TMEM17: variants seen among roughly 807,000 people sequenced by gnomAD.
TMEM17 encodes transmembrane protein 17.
TMEM17 carries 15 observed loss-of-function variants against 19.1 expected under a neutral mutation model. That is an observed-to-expected ratio of 0.78 (90% CI 0.52 to 1.21). TMEM17 has a LOEUF of 1.21. TMEM17 is among the 50% of genes most tolerant of loss of function. The pLI is 0.00. For missense variants in TMEM17, 245 were observed against 242.3 expected (o/e 1.01, Z -0.07); for synonymous variants, 103 against 86.9 (o/e 1.19, Z -1.03).
chr2:62,488,322 A>G, the TMEM17 span, among the ~76,000 whole-genome samples: 1 of 152,216 alleles, frequency 6.6e-6, no homozygotes, highest in Non-Finnish European at 1.5e-5. Context: ...ACCCAAATGC[A>G]AAGTTACTTA....
At chr2:62,473,318 T>C in the TMEM17 span, among the ~76,000 whole-genome samples, 4 of 152,098 alleles carry the variant, frequency 2.6e-5, no homozygotes, top group Non-Finnish European at 4.4e-5. Flanking sequence ...AGAGTAAGGT[T>C]CCTGATCCCA....
chr2:62,476,378 C>A, the TMEM17 span, among the ~76,000 whole-genome samples: 2 of 152,166 alleles, frequency 1.3e-5, no homozygotes, highest in African/African-American at 4.8e-5. Flanking sequence ...CCACTACCAC[C>A]AGGTAAGAAG....
intron 1 of TMEM17, 132 bp downstream of exon 1, chr2:62,505,898 G>A (rs1279167260): frequency 6.7e-6 from 6 of 898,770 alleles, no homozygotes; most frequent in Non-Finnish European, 1.0e-5. Context: ...CCTCCAAGGC[G>A]CTCTCCCGCA....
chr2:62,469,201 A>G, the TMEM17 span, among the ~76,000 whole-genome samples: 4 of 152,208 alleles, frequency 2.6e-5, no homozygotes, highest in Admixed American at 1.3e-4. Context: ...GCATATTCCA[A>G]CCTCAGGTTC....
At chr2:62,474,822 G>C in the TMEM17 span, among the ~76,000 whole-genome samples, 240 of 152,242 alleles carry the variant, frequency 1.6e-3, 1 homozygote, top group African/African-American at 5.6e-3. Context: ...GTTGGAATCT[G>C]TTTCCTCATC....
chr2:62,475,776 G>C, the TMEM17 span, among the ~76,000 whole-genome samples: 1 of 152,184 alleles, frequency 6.6e-6, no homozygotes, highest in East Asian at 1.9e-4. Context: ...TCTGTTTTTT[G>C]AGGGACAGTC....
the TMEM17 span, among the ~76,000 whole-genome samples, chr2:62,475,447 C>T: frequency 3.3e-5 from 5 of 152,254 alleles, no homozygotes; most frequent in African/African-American, 1.2e-4. Context: ...GCCCCCTGGC[C>T]TTGCTTCAAC....
chr2:62,482,597 G>T, the TMEM17 span, among the ~76,000 whole-genome samples: 2 of 152,160 alleles, frequency 1.3e-5, no homozygotes, highest in African/African-American at 2.4e-5. Flanking sequence ...ACAATGAATG[G>T]TCCATCGATA....
At chr2:62,466,639 C>G in the TMEM17 span, among the ~76,000 whole-genome samples, 2 of 152,174 alleles carry the variant, frequency 1.3e-5, no homozygotes, top group African/African-American at 4.8e-5. Flanking sequence ...CCCTGGAAGC[C>G]TTAGGAAGCA....
chr2:62,487,944 CT>C, the TMEM17 span, among the ~76,000 whole-genome samples: 1 of 152,358 alleles, frequency 6.6e-6, no homozygotes, highest in East Asian at 1.9e-4. Flanking sequence ...ATCCGCCTGC[CT>C]TGGCCTCCCA....
chr2:62,491,785 A>C, the TMEM17 span, among the ~76,000 whole-genome samples: 3 of 152,058 alleles, frequency 2.0e-5, no homozygotes, highest in Non-Finnish European at 4.4e-5. Context: ...CAATCTTTTA[A>C]ATTACTCTAC....
At chr2:62,464,758 CA>C in the TMEM17 span, among the ~76,000 whole-genome samples, 1 of 152,076 alleles carries the variant, frequency 6.6e-6, no homozygotes, top group Non-Finnish European at 1.5e-5. Flanking sequence ...ATTTGGTGGA[CA>C]GGGGTCAGTG....
Position 62,500,966 on chromosome 2 carries a change from GACA to G in TMEM17, c.*240_*242del, listed in dbSNP as rs1679910937. ...CATAGATTTCTACACTCCTGAAAAA[GACA>G]ACAACATCAAAAAAAATTAAGAAAT... On this transcript the variant is annotated 3_prime_UTR_variant, in exon 4 of 4. Coordinates refer to ENST00000335390, the MANE Select transcript of TMEM17 (RefSeq NM_198276.3). The G allele has an allele frequency of 1.1e-5, 4 of 370,758 alleles. No homozygotes were observed. Among genetic ancestry groups the G allele is most frequent in the Admixed American group, 4.3e-5 (1 of 23,174 alleles). 23.0% of individuals were successfully genotyped at this position (370,758 alleles called of 1,614,324 possible).
chr2:62,489,190 CT>C, the TMEM17 span, among the ~76,000 whole-genome samples: 2 of 152,238 alleles, frequency 1.3e-5, no homozygotes, highest in Non-Finnish European at 2.9e-5. Context: ...CTCCAAAGCA[CT>C]GCTGTCTCAA....
chr2:62,469,164 G>A, the TMEM17 span, among the ~76,000 whole-genome samples: 1 of 152,232 alleles, frequency 6.6e-6, no homozygotes, highest in Non-Finnish European at 1.5e-5. Flanking sequence ...TAGTACAGAA[G>A]AAGGTACATA....
chr2:62,458,720 G>T, the TMEM17 span, among the ~76,000 whole-genome samples: 2 of 152,212 alleles, frequency 1.3e-5, no homozygotes, highest in Non-Finnish European at 2.9e-5. Flanking sequence ...CTTCTGGTGA[G>T]GTTCTTGCTA....
the TMEM17 span, among the ~76,000 whole-genome samples, chr2:62,466,914 C>T: frequency 6.6e-6 from 1 of 152,190 alleles, no homozygotes; most frequent in South Asian, 2.1e-4. Flanking sequence ...ATATTGGCAT[C>T]ACCTGGGGAC....
At chr2:62,467,295 C>G in the TMEM17 span, among the ~76,000 whole-genome samples, 2 of 151,726 alleles carry the variant, frequency 1.3e-5, no homozygotes, top group African/African-American at 4.8e-5. Flanking sequence ...AGGTGGTTCT[C>G]TTGTGCAGAC....
At chr2:62,467,515 C>T in the TMEM17 span, among the ~76,000 whole-genome samples, 2 of 152,298 alleles carry the variant, frequency 1.3e-5, no homozygotes, top group East Asian at 3.9e-4. Flanking sequence ...GAGCCAAGGC[C>T]TCATAGAGAT....
Sources: gnomAD v4.1 joint callset for allele counts (sites outside exome capture counted in the v4.1 genomes callset) on GRCh38, gnomAD v4.1.1 for gene constraint, MANE v1.5 for transcripts, NCBI Gene and HGNC (gene_info 2026-07-23, HGNC 2026-07-21) for gene names.